KMT5A: variants seen among roughly 807,000 people sequenced by gnomAD.
KMT5A encodes the protein N-lysine methyltransferase KMT5A.
In KMT5A, 6 loss-of-function variants were observed where a neutral mutation model predicts 40.6. The ratio of observed to expected loss-of-function variants is 0.15; its 90% CI spans 0.08 to 0.29. The LOEUF is 0.29. Ranked by LOEUF, KMT5A falls within the 10% of genes least tolerant of loss-of-function variation. The pLI is 1.00. For missense variants in KMT5A, 308 were observed against 459.1 expected, an observed-to-expected ratio of 0.67 and a Z score of 3.01; for synonymous variants, 153 against 178.8, an observed-to-expected ratio of 0.86 and a Z score of 1.15.
At chr12:123,395,385 A>G in intron 4 of KMT5A, 119 bp downstream of exon 4, 1 of 999,006 alleles carries the variant, frequency 1.0e-6, no homozygotes, top group Non-Finnish European at 1.5e-6. Flanking sequence ...CTCTCATGTC[A>G]AAGACTCAGA....
At chr12:123,400,589 G>A (rs1878082785) in intron 5 of KMT5A, among the ~76,000 whole-genome samples, 1 of 151,716 alleles carries the variant, frequency 6.6e-6, no homozygotes. Flanking sequence ...TCAAACTCCT[G>A]ACCTTGTGAT....
Position 123,389,466 on chromosome 12 carries a change from C to G in KMT5A, c.44C>G (p.Ala15Gly). The G allele has an allele frequency of 9.4e-7, 1 of 1,064,100 alleles. No homozygotes were observed. Among genetic ancestry groups the G allele is most frequent in the Non-Finnish European group, 1.1e-6 (1 of 882,140 alleles). 65.9% of individuals were successfully genotyped at this position (1,064,100 alleles called of 1,614,324 possible). ...ATGTCCAAGCCCCGCGCGGTGGAGG[C>G]GGCGGCGGCGGCGGCGGCGGTGGCA... is the stretch of plus-strand genomic sequence containing the variant. ...RKMSKPRAVE[A>G]AAAAAAVAAT... Residue 15 changes from alanine to glycine, a missense_variant, in exon 2 of 8, where the codon GCG (alanine) becomes GGG (glycine). By Grantham distance (60) the Ala-to-Gly change is moderately conservative (BLOSUM62 0). Around this residue, in one of 4 missense-constraint regions of KMT5A, gnomAD observed 92 missense variants for 78.3 expected, o/e 1.18. Coordinates refer to ENST00000402868, the MANE Select transcript of KMT5A (RefSeq NM_020382.7).
chr12:123,397,372 G>A (rs758782966), intron 5 of KMT5A, among the ~76,000 whole-genome samples: 6 of 152,228 alleles, frequency 3.9e-5, no homozygotes, highest in Non-Finnish European at 7.3e-5. Flanking sequence ...GCTCAGGATT[G>A]CATCCTACAC....
intron 5 of KMT5A, among the ~76,000 whole-genome samples, chr12:123,398,189 G>C (rs1377296017): frequency 6.6e-6 from 1 of 152,034 alleles, no homozygotes; most frequent in Non-Finnish European, 1.5e-5. Context: ...GGCTGAGATG[G>C]GAGAATCACT....
chr12:123,398,329 A>G (rs1023762150), intron 5 of KMT5A, among the ~76,000 whole-genome samples: 1 of 150,956 alleles, frequency 6.6e-6, no homozygotes, highest in African/African-American at 2.4e-5. Context: ...GTGCCAGACC[A>G]CAGAATCCCA....
At position 123,384,305 on chromosome 12, in the gene KMT5A, C is replaced by G. The variant is rs1316792416; in HGVS notation, c.10+97C>G. The stretch of plus-strand genomic sequence containing the variant: ...GCAGCGGCTGCGGGGAGGCGTCCTC[C>G]TCGGGTGGCTCGGGGCAAGCTTGGG... On this transcript the variant is annotated intron_variant, in intron 1 of 7. Transcript: ENST00000402868. This position sits in a 1 kb window ranked among gnomAD's most constrained non-coding sequence, Gnocchi z 5.7. The G allele has an allele frequency of 1.3e-6, 2 of 1,517,260 alleles. No individual in the cohort carries two copies. Among genetic ancestry groups the G allele is most frequent in the African/African-American group, 2.7e-5 (2 of 72,908 alleles). 94.0% of individuals were successfully genotyped at this position (1,517,260 alleles called of 1,614,324 possible). A position where few individuals can be genotyped will look rare whatever the true frequency, so the allele number is the denominator to read the frequency against.
chr12:123,389,391 T>G, intron 1 of KMT5A, 42 bp from the exon 2 acceptor site: 2 of 1,012,160 alleles, frequency 2.0e-6, no homozygotes, highest in Non-Finnish European at 2.4e-6. Flanking sequence ...CGCCGCGCCC[T>G]GAGCGCCCCC....
intron 2 of KMT5A, chr12:123,390,085 G>C (rs1215247451): frequency 2.1e-6 from 1 of 469,232 alleles, no homozygotes; most frequent in Non-Finnish European, 4.4e-6. Flanking sequence ...AGATTCCCCA[G>C]TCACCCTGAG....
Position 123,389,455 on chromosome 12 carries a change from C to T in KMT5A, c.33C>T (p.Arg11=). 2 of 1,100,426 alleles carry T rather than the reference C, an allele frequency of 1.8e-6. No homozygotes were observed. The highest frequency in any genetic ancestry group is 1.1e-6 in the Non-Finnish European group (1 of 909,364). The allele number at this position is 1,100,426 out of a possible 1,614,324, so 68.2% of individuals were successfully genotyped here. The change falls in exon 2 of 8, where the codon CGC becomes CGT. Residue 11 remains arginine, a synonymous_variant. Coordinates refer to ENST00000402868, the MANE Select transcript of KMT5A (RefSeq NM_020382.7). The part of the protein sequence containing the change: MARGRKMSKP[R]AVEAAAAAAA... ...CAGGCAGGAAGATGTCCAAGCCCCG[C>T]GCGGTGGAGGCGGCGGCGGCGGCGG...
At chr12:123,396,304 C>A (rs377203219) in intron 4 of KMT5A, 41 bp from the exon 5 acceptor site, 2 of 1,599,346 alleles carry the variant, frequency 1.3e-6, no homozygotes, top group African/African-American at 1.3e-5. Flanking sequence ...TCCAGGTTTT[C>A]AGTCCTGATA....
At chr12:123,404,805 C>G (rs1455709694) in intron 6 of KMT5A, 79 bp from the exon 7 acceptor site, 1 of 1,437,378 alleles carries the variant, frequency 7.0e-7, no homozygotes, top group Non-Finnish European at 9.5e-7. Context: ...TGGGGTAAGC[C>G]CCAGCTCCCC....
intron 7 of KMT5A, 103 bp downstream of exon 7, chr12:123,405,177 T>C: frequency 7.9e-7 from 1 of 1,258,152 alleles, no homozygotes; most frequent in Non-Finnish European, 1.1e-6. Context: ...AGTCTTTTGG[T>C]TTTGTTGTTG....
rs2139220501 is a variant in KMT5A at position 123,409,305 on chromosome 12, ATT to A, written c.*1604_*1605del. 6.5e-6 allele frequency: 1 copy of A among 152,742 alleles called. No individual in the cohort carries two copies. The highest frequency in any genetic ancestry group is 2.4e-5 in the African/African-American group (1 of 41,572). The allele number at this position is 152,742 out of a possible 1,614,324, so 9.5% of individuals were successfully genotyped here. On this transcript the variant is annotated 3_prime_UTR_variant, in exon 8 of 8. Transcript: ENST00000402868. ...AAACAAGGAAATAAACTTGAAAATT[ATT>A]TGTCATCATAAAAATGAAACAAATT...
intron 7 of KMT5A, 116 bp downstream of exon 7, chr12:123,405,190 G>T: frequency 5.4e-6 from 6 of 1,120,246 alleles, no homozygotes; most frequent in Non-Finnish European, 7.4e-6. Flanking sequence ...TGTTGTTGTT[G>T]ACTTTTTTTT....
At chr12:123,394,827 A>G (rs1190653142) in intron 3 of KMT5A, among the ~76,000 whole-genome samples, 2 of 152,144 alleles carry the variant, frequency 1.3e-5, no homozygotes, top group African/African-American at 4.8e-5. Flanking sequence ...GCAAAAGCCT[A>G]AAACCTCTGC....
Position 123,389,460 on chromosome 12 carries a change from T to TGGAGGC in KMT5A, c.41_46dup (p.Glu14_Ala15dup). 1.9e-6 allele frequency: 2 copies of TGGAGGC among 1,078,902 alleles called. No individual in the cohort carries two copies. Among genetic ancestry groups the TGGAGGC allele is most frequent in the Non-Finnish European group, 2.2e-6 (2 of 898,738 alleles). 66.8% of individuals were successfully genotyped at this position (1,078,902 alleles called of 1,614,324 possible). A position where few individuals can be genotyped will look rare whatever the true frequency, so the allele number is the denominator to read the frequency against. ...AGGAAGATGTCCAAGCCCCGCGCGG[T>TGGAGGC]GGAGGCGGCGGCGGCGGCGGCGGCG... On this transcript the variant is annotated inframe_insertion, in exon 2 of 8. Coordinates refer to ENST00000402868, the MANE Select transcript of KMT5A (RefSeq NM_020382.7).
At chr12:123,397,952 C>T (rs530082268) in intron 5 of KMT5A, among the ~76,000 whole-genome samples, 31 of 150,280 alleles carry the variant, frequency 2.1e-4, no homozygotes, top group African/African-American at 6.3e-4. Context: ...GGATTACAGA[C>T]GTGAGCCACC....
chr12:123,405,185 T>C, intron 7 of KMT5A, 111 bp downstream of exon 7: 1 of 1,170,286 alleles, frequency 8.5e-7, no homozygotes, highest in South Asian at 1.7e-5. Context: ...GGTTTTGTTG[T>C]TGTTGACTTT....
Position 123,405,143 on chromosome 12 carries a change from AAC to A in KMT5A, c.848+70_848+71del. On this transcript the variant is annotated intron_variant, in intron 7 of 7. Coordinates refer to ENST00000402868, the MANE Select transcript of KMT5A (RefSeq NM_020382.7). ...AGTGAGGAGAGGCCAAAGGGCCAGG[AAC>A]TCCTGATTCTGTTTGGTGGCCAGTC... 3.5e-6 allele frequency: 5 copies of A among 1,427,504 alleles called. No homozygotes were observed. In the South Asian group the frequency reaches 7.0e-5, roughly 20 times the overall value. The allele number at this position is 1,427,504 out of a possible 1,614,324, so 88.4% of individuals were successfully genotyped here. A position where few individuals can be genotyped will look rare whatever the true frequency, so the allele number is the denominator to read the frequency against.
Sources: gnomAD v4.1 joint callset for allele counts (sites outside exome capture counted in the v4.1 genomes callset) on GRCh38, gnomAD v4.1.1 for gene constraint, gnomAD v4.1.1 regional missense constraint, Gnocchi (gnomAD v3.1) non-coding constraint, MANE v1.5 for transcripts, NCBI Gene and HGNC (gene_info 2026-07-23, HGNC 2026-07-21) for gene names.